The following RGPD3 variants were observed in gnomAD, a reference collection of about 807,000 sequenced individuals.
RGPD3 encodes RANBP2 like and GRIP domain containing 3.
A neutral mutation model predicts 154.5 loss-of-function variants in RGPD3; 62 were observed. That is an observed-to-expected ratio of 0.40 (90% confidence interval 0.33 to 0.50). RGPD3 has a LOEUF of 0.50. Ranked by LOEUF, RGPD3 falls within the 20% of genes least tolerant of loss-of-function variation. The pLI, the probability that RGPD3 is intolerant of heterozygous loss-of-function variation, is 0.59. For synonymous variants in RGPD3, 308 were observed against 607.0 expected, an observed-to-expected ratio of 0.51 and a Z score of 7.24; for missense variants, 919 against 1,716.8, an observed-to-expected ratio of 0.54 and a Z score of 8.21.
At chr2:106,470,847 A>G, upstream of RGPD3, 2 of 1,603,488 alleles carry the variant, frequency 1.2e-6, no homozygotes, top group East Asian at 2.2e-5. Flanking sequence ...TGGAGCACTA[A>G]CGCCATCTAG....
rs1471032106 is a variant in RGPD3, at chr2:106,403,986, G to GAAT, written c.*1232_*1233insATT. On this transcript the variant is annotated 3_prime_UTR_variant, in exon 23 of 23. Transcript: ENST00000409886. ...AAAAATTATCCAATTTTTGATTTAA[G>GAAT]AACAACACAGTTTGGATCTAGTCAT... is the stretch of plus-strand genomic sequence containing the variant. Among the ~76,000 whole-genome samples, 1 of 152,212 alleles carries GAAT rather than the reference G, an allele frequency of 6.6e-6. No homozygotes were observed. Among genetic ancestry groups the GAAT allele is most frequent in the East Asian group, 1.9e-4 (1 of 5,188 alleles).
chr2:106,415,149 A>G (rs1263999779), intron 21 of RGPD3, among the ~76,000 whole-genome samples: 1 of 148,752 alleles, frequency 6.7e-6, no homozygotes, highest in African/African-American at 2.5e-5. Context: ...AACAGGAAAA[A>G]CTTCCCATGC....
At chr2:106,459,372 A>G (rs558460316) in intron 1 of RGPD3, 40 bp from the exon 2 acceptor site, 2 of 1,396,464 alleles carry the variant, frequency 1.4e-6, no homozygotes, top group African/African-American at 2.9e-5. Context: ...TCATACAGAA[A>G]TATTTTCCAA....
intron 1 of RGPD3, among the ~76,000 whole-genome samples, chr2:106,465,582 TAAA>T (rs1217711185): frequency 7.0e-6 from 1 of 142,718 alleles, no homozygotes; most frequent in African/African-American, 2.6e-5. Flanking sequence ...TAAGCTTGTT[TAAA>T]AAAAAAAAAA....
At chr2:106,422,975 G>T in intron 20 of RGPD3, 68 bp downstream of exon 20, 3 of 1,595,350 alleles carry the variant, frequency 1.9e-6, no homozygotes, top group Non-Finnish European at 2.5e-6. Context: ...ATCCCACAAA[G>T]AGTCTGCATC....
chr2:106,403,511 A>C lies in RGPD3; in HGVS notation c.*1708T>G, dbSNP rs1432253556. ...TTTTGTAATCAATTTTTTATCATGC[A>C]AAAAAGTATTTTGTTATGACATTTG... On this transcript the variant is annotated 3_prime_UTR_variant, in exon 23 of 23. Coordinates refer to ENST00000409886, the MANE Select transcript of RGPD3 (RefSeq NM_001144013.2). Among the ~76,000 whole-genome samples, 2 of 152,208 alleles carry C rather than the reference A, an allele frequency of 1.3e-5. No homozygotes were observed. The highest frequency in any genetic ancestry group is 2.9e-5 in the Non-Finnish European group (2 of 68,042).
At chr2:106,411,136 GC>G (rs1676658084) in intron 22 of RGPD3, among the ~76,000 whole-genome samples, 1 of 148,292 alleles carries the variant, frequency 6.7e-6, no homozygotes, top group African/African-American at 2.5e-5. Flanking sequence ...TTGGGGACCA[GC>G]AATTGGAATT....
chr2:106,449,222 T>C (rs1678032673), intron 6 of RGPD3, among the ~76,000 whole-genome samples: 1 of 150,892 alleles, frequency 6.6e-6, no homozygotes, highest in African/African-American at 2.4e-5. Context: ...TCCAGCACTT[T>C]GGGAGGCTGA....
chr2:106,464,213 G>A (rs1399199153), intron 1 of RGPD3, among the ~76,000 whole-genome samples: 1 of 151,862 alleles, frequency 6.6e-6, no homozygotes, highest in Non-Finnish European at 1.5e-5. Flanking sequence ...GGGTGTTGTG[G>A]CGGGTGCCCG....
chr2:106,466,209 C>G (rs1020132149), intron 1 of RGPD3, among the ~76,000 whole-genome samples: 1 of 151,856 alleles, frequency 6.6e-6, no homozygotes, highest in African/African-American at 2.4e-5. Context: ...CCGGCGCCAA[C>G]GGTCTCCCGC....
chr2:106,468,321 G>C lies in RGPD3; in HGVS notation c.-33C>G, dbSNP rs9751479. ...CCAACCTGGCTCCCGAGATGCGTGA[G>C]ACCAGCGCTCAGCCCCGCAGCAGTC... On this transcript the variant is annotated 5_prime_UTR_variant, in exon 1 of 23. Transcript: ENST00000409886. The C allele has an allele frequency of 4.4e-6, 7 of 1,587,754 alleles. No individual in the cohort carries two copies. The East Asian group carries it at 1.4e-4, about 31-fold the overall frequency.
rs542390620 is a variant in RGPD3, at chr2:106,414,500, C to T, written c.5065-1215G>A. 1.8e-4 allele frequency among the ~76,000 whole-genome samples: 26 copies of T among 146,372 alleles called. No individual in the cohort carries two copies. In the East Asian group the frequency reaches 3.9e-3, roughly 22 times the overall value. ...AGCCGGGCATGGTGGTGCGTGCCTG[C>T]AGTCTCAGCTACTCAGGAGGCTGAG... On this transcript the variant is annotated intron_variant, in intron 21 of 22. Transcript: ENST00000409886.
chr2:106,413,931 C>A (rs1000693554), intron 21 of RGPD3, among the ~76,000 whole-genome samples: 2 of 152,178 alleles, frequency 1.3e-5, no homozygotes, highest in African/African-American at 4.8e-5. Flanking sequence ...TTGATAGAAA[C>A]TAAGCCAGTA....
At chr2:106,438,428 C>T (rs1677641984) in intron 9 of RGPD3, among the ~76,000 whole-genome samples, 1 of 150,356 alleles carries the variant, frequency 6.7e-6, no homozygotes, top group Non-Finnish European at 1.5e-5. Flanking sequence ...TTCAAGGCAG[C>T]AGTGACCTAC....
chr2:106,451,062 C>G (rs1678105420), intron 6 of RGPD3, among the ~76,000 whole-genome samples: 1 of 135,088 alleles, frequency 7.4e-6, no homozygotes, highest in Non-Finnish European at 1.5e-5. Flanking sequence ...GCACTCCAGC[C>G]TGGTGACAGA....
Position 106,437,515 on chromosome 2 carries a change from AAAAAG to A in RGPD3, c.1277-666_1277-662del, listed in dbSNP as rs777570021. ...TGACAGAGCGAGACTCTGTCTCAAA[AAAAAG>A]AAAAGAAAAGAAAAGAAAAGGTTAT... On this transcript the variant is annotated intron_variant, in intron 9 of 22. Coordinates refer to ENST00000409886, the MANE Select transcript of RGPD3 (RefSeq NM_001144013.2). 3.6e-4 allele frequency among the ~76,000 whole-genome samples: 55 copies of A among 152,250 alleles called. 2 individuals carry two copies. Among genetic ancestry groups the A allele is most frequent in the South Asian group, 6.2e-4 (3 of 4,824 alleles).
chr2:106,441,805 A>T (rs1183306807), intron 7 of RGPD3, among the ~76,000 whole-genome samples: 2 of 132,428 alleles, frequency 1.5e-5, no homozygotes, highest in Non-Finnish European at 3.1e-5. Flanking sequence ...CAGAGGTTGT[A>T]GTGCGCCGAG....
chr2:106,412,696 A>C lies in RGPD3; in HGVS notation c.5266+388T>G, dbSNP rs78114347. On this transcript the variant is annotated intron_variant, in intron 22 of 22. Coordinates refer to ENST00000409886, the MANE Select transcript of RGPD3 (RefSeq NM_001144013.2). ...TGGGCTCTATGGCTCCATTGTCTTA[A>C]GCTATTTGGGGTTGGAGGAAGGAAG... 1,064 of 462,734 alleles carry C rather than the reference A, an allele frequency of 2.3e-3. 4 individuals carry two copies. The highest frequency in any genetic ancestry group is 3.1e-3 in the Non-Finnish European group (730 of 232,948). 28.7% of individuals were successfully genotyped at this position (462,734 alleles called of 1,614,324 possible). A position where few individuals can be genotyped will look rare whatever the true frequency, so the allele number is the denominator to read the frequency against.
rs374130387 is a variant in RGPD3 at position 106,415,481 on chromosome 2, T to C, written c.5064+369A>G. Among the ~76,000 whole-genome samples, 4 of 151,924 alleles carry C rather than the reference T, an allele frequency of 2.6e-5. 1 individual carries two copies. Among genetic ancestry groups the C allele is most frequent in the East Asian group, 1.9e-4 (1 of 5,154 alleles). On this transcript the variant is annotated intron_variant, in intron 21 of 22. Transcript: ENST00000409886. ...TCATGAGGTCAGGAGATCGAGACCA[T>C]CCTGGATAACATGGTAAACCCTGTC...
Sources: gnomAD v4.1 joint callset for allele counts (sites outside exome capture counted in the v4.1 genomes callset) on GRCh38, gnomAD v4.1.1 for gene constraint, MANE v1.5 for transcripts, NCBI Gene and HGNC (gene_info 2026-07-23, HGNC 2026-07-21) for gene names.